ASPHD2: variants seen among roughly 807,000 people sequenced by gnomAD.
ASPHD2 encodes the protein aspartate beta-hydroxylase domain containing 2.
ASPHD2 carries 12 observed loss-of-function variants against 34.6 expected under a neutral mutation model. The ratio of observed to expected loss-of-function variants is 0.35; its 90% CI spans 0.22 to 0.56. The LOEUF is 0.56. Among genes scored for constraint, ASPHD2 ranks in the 20% least tolerant of loss-of-function variants. The pLI is 0.87. For synonymous variants in ASPHD2, 224 were observed against 212.2 expected, an observed-to-expected ratio of 1.06 and a Z score of -0.48; for missense variants, 375 against 505.0, an observed-to-expected ratio of 0.74 and a Z score of 2.47.
At chr22:26,431,738 G>A (rs982426484) in intron 1 of ASPHD2, among the ~76,000 whole-genome samples, 2 of 152,080 alleles carry the variant, frequency 1.3e-5, no homozygotes, top group African/African-American at 2.4e-5. Context: ...CCTTTCTCTC[G>A]TGCCCCACCT....
intron 2 of ASPHD2, among the ~76,000 whole-genome samples, chr22:26,436,784 A>G (rs1171216591): frequency 6.6e-6 from 1 of 152,112 alleles, no homozygotes; most frequent in East Asian, 1.9e-4. Flanking sequence ...AGCAAGGAAA[A>G]TCTGGGGTTT....
intron 2 of ASPHD2, among the ~76,000 whole-genome samples, chr22:26,435,009 G>T (rs973838051): frequency 1.3e-5 from 2 of 152,168 alleles, no homozygotes; most frequent in Non-Finnish European, 2.9e-5. Flanking sequence ...AGGATGAAAT[G>T]ATCCTTGGTG....
chr22:26,438,590 T>TATACATAC (rs1244830443), intron 2 of ASPHD2, among the ~76,000 whole-genome samples: 2 of 142,216 alleles, frequency 1.4e-5, no homozygotes, highest in Non-Finnish European at 3.1e-5. Flanking sequence ...TACATACATA[T>TATACATAC]ATATACACAC....
chr22:26,442,487 G>A lies in ASPHD2; in HGVS notation c.915G>A (p.Leu305=). Residue 305 remains leucine (L), a synonymous_variant, in exon 3 of 4, where the codon CTG becomes CTA. Transcript: ENST00000215906. The part of the protein sequence containing the change: ...LGLKTPNGCE[L]VVGGEPQCWA... ...TGAAAACTCCAAATGGCTGTGAGCT[G>A]GTGGTGGGGGGAGAGCCCCAGTGCT... 6.2e-7 allele frequency: 1 copy of A among 1,607,790 alleles called. No individual in the cohort carries two copies. Among genetic ancestry groups the A allele is most frequent in the Non-Finnish European group, 8.5e-7 (1 of 1,177,716 alleles).
intron 2 of ASPHD2, among the ~76,000 whole-genome samples, chr22:26,438,796 T>C (rs995022796): frequency 6.6e-6 from 1 of 152,004 alleles, no homozygotes; most frequent in Non-Finnish European, 1.5e-5. Context: ...CCAGTCAGTT[T>C]CCAAAGCTGA....
At position 26,437,190 on chromosome 22, in the gene ASPHD2, G is replaced by A. The variant is rs923673921; in HGVS notation, c.886+2689G>A. Among the ~76,000 whole-genome samples the A allele has an allele frequency of 6.6e-5, 10 of 152,338 alleles. No individual in the cohort carries two copies. In the South Asian group the frequency reaches 1.4e-3, roughly 22 times the overall value. On this transcript the variant is annotated intron_variant, in intron 2 of 3. Coordinates refer to ENST00000215906, the MANE Select transcript of ASPHD2 (RefSeq NM_020437.5). ...GAGAATGAGGTCAGAAGCAGGATAA[G>A]CCTGGTGCGTACCTGGTGGCCACAC... is the stretch of plus-strand genomic sequence containing the variant.
At chr22:26,436,069 C>T (rs1311325405) in intron 2 of ASPHD2, among the ~76,000 whole-genome samples, 1 of 152,122 alleles carries the variant, frequency 6.6e-6, no homozygotes, top group African/African-American at 2.4e-5. Context: ...CTGTGTTGGA[C>T]CATGTGAAAA....
At chr22:26,436,035 G>A (rs1264593875) in intron 2 of ASPHD2, among the ~76,000 whole-genome samples, 1 of 152,210 alleles carries the variant, frequency 6.6e-6, no homozygotes, top group Non-Finnish European at 1.5e-5. Flanking sequence ...TTGATGAATG[G>A]GAGCTAGTAG....
Position 26,433,744 on chromosome 22 carries a change from G to T in ASPHD2, c.129G>T (p.Arg43Ser), listed in dbSNP as rs542252135. ...VAWSWSLDGL[R>S]DCIATGIQSV... is the part of the protein sequence containing the mutation. ...GGAGCTGGTCGCTGGATGGCCTGAG[G>T]GACTGCATCGCCACCGGCATCCAGT... Residue 43 changes from arginine to serine, a missense_variant, in exon 2 of 4, where the codon AGG (arginine) becomes AGT (serine). Transcript: ENST00000215906. This position sits in a 1 kb window ranked among gnomAD's most constrained non-coding sequence, Gnocchi z 5.1. 6.2e-7 allele frequency: 1 copy of T among 1,613,676 alleles called. No individual in the cohort carries two copies. Among genetic ancestry groups the T allele is most frequent in the Non-Finnish European group, 8.5e-7 (1 of 1,180,016 alleles).
At chr22:26,436,087 A>G (rs1447763109) in intron 2 of ASPHD2, among the ~76,000 whole-genome samples, 3 of 152,242 alleles carry the variant, frequency 2.0e-5, no homozygotes, top group African/African-American at 7.2e-5. Context: ...AAAATGATCC[A>G]TAAGACATAG....
At position 26,443,348 on chromosome 22, in the gene ASPHD2, T is replaced by C. The variant is rs1568986347; in HGVS notation, c.*142T>C. On this transcript the variant is annotated 3_prime_UTR_variant, in exon 4 of 4. Transcript: ENST00000215906. ...AGCTCTTATTTGGGATTTTATATCA[T>C]GTCGGGTCCCTCTTTCCCTTGGTTA... The C allele has an allele frequency of 3.0e-6, 2 of 662,926 alleles. No homozygotes were observed. Among genetic ancestry groups the C allele is most frequent in the South Asian group, 1.8e-5 (1 of 54,396 alleles). 41.1% of individuals were successfully genotyped at this position (662,926 alleles called of 1,614,324 possible).
chr22:26,433,551 T>G lies in ASPHD2; in HGVS notation c.-65T>G. 1 of 1,210,962 alleles carries G rather than the reference T, an allele frequency of 8.3e-7. No individual in the cohort carries two copies. Among genetic ancestry groups the G allele is most frequent in the Non-Finnish European group, 1.2e-6 (1 of 851,006 alleles). The allele number at this position is 1,210,962 out of a possible 1,614,324, so 75.0% of individuals were successfully genotyped here. A position where few individuals can be genotyped will look rare whatever the true frequency, so the allele number is the denominator to read the frequency against. Reference sequence around the variant, plus strand: ...CATCAATGCCGCCCCTGGCAGTATCTGAGGATCGGTGGCAGCCATGCCTCC... The same window carrying G: ...CATCAATGCCGCCCCTGGCAGTATCGGAGGATCGGTGGCAGCCATGCCTCC... On this transcript the variant is annotated 5_prime_UTR_variant, in exon 2 of 4. Transcript: ENST00000215906. The surrounding 1 kb of genome is among the most constrained non-coding windows in gnomAD (Gnocchi z 5.1).
rs746167777 is a variant in ASPHD2 at position 26,433,975 on chromosome 22, G to A, written c.360G>A (p.Glu120=). The change falls in exon 2 of 4, where the codon GAG becomes GAA. Residue 120 remains glutamate, a synonymous_variant. Transcript: ENST00000215906. This position sits in a 1 kb window ranked among gnomAD's most constrained non-coding sequence, Gnocchi z 5.1. ...AGTGCGTGCGCTGCACCCACAACGAGGGCCTCAACCAGAAGCTGTACCACA... is the reference window on the plus strand; with the variant it reads ...AGTGCGTGCGCTGCACCCACAACGAAGGCCTCAACCAGAAGCTGTACCACA... ...SPECVRCTHN[E]GLNQKLYHNL... is the part of the protein sequence containing the mutation. 1 of 1,613,316 alleles carries A rather than the reference G, an allele frequency of 6.2e-7. No individual in the cohort carries two copies. The highest frequency in any genetic ancestry group is 1.3e-5 in the African/African-American group (1 of 74,940).
Position 26,433,827 on chromosome 22 carries a change from T to G in ASPHD2, c.212T>G (p.Phe71Cys), listed in dbSNP as rs1477902943. 6.2e-7 allele frequency: 1 copy of G among 1,614,010 alleles called. No homozygotes were observed. Among genetic ancestry groups the G allele is most frequent in the Non-Finnish European group, 8.5e-7 (1 of 1,180,018 alleles). Residue 71 changes from phenylalanine to cysteine, a missense_variant, in exon 2 of 4, where the codon TTC becomes TGC. Around this residue, in one of 3 missense-constraint regions of ASPHD2, gnomAD observed 223 missense variants for 257.8 expected, o/e 0.87. Transcript: ENST00000215906. The surrounding 1 kb of genome is among the most constrained non-coding windows in gnomAD (Gnocchi z 5.1). ...VITVACLLVLFVWYCYHVGRE... is the reference protein window; with the variant it reads ...VITVACLLVLCVWYCYHVGRE... ...ACTGTGGCCTGCCTCCTGGTCCTCT[T>G]CGTGTGGTACTGTTATCACGTGGGC...
In ASPHD2 at chr22:26,434,232, A is replaced by G; in HGVS notation, c.617A>G (p.Tyr206Cys). The change falls in exon 2 of 4, where the codon TAC becomes TGC. Residue 206 changes from tyrosine to cysteine, a missense_variant. Coordinates refer to ENST00000215906, the MANE Select transcript of ASPHD2 (RefSeq NM_020437.5). ...QTILCEFETL[Y>C]KAFSNCSLPQ... ...ATCCTGTGTGAGTTTGAGACCCTCT[A>G]CAAAGCTTTCTCAAACTGCAGCCTC... The G allele has an allele frequency of 6.2e-7, 1 of 1,614,152 alleles. No individual in the cohort carries two copies. Among genetic ancestry groups the G allele is most frequent in the Non-Finnish European group, 8.5e-7 (1 of 1,180,016 alleles).
intron 1 of ASPHD2, among the ~76,000 whole-genome samples, chr22:26,430,110 G>A (rs573798818): frequency 8.5e-5 from 13 of 152,346 alleles, no homozygotes; most frequent in Non-Finnish European, 1.6e-4. Flanking sequence ...GGTCTGCACC[G>A]GGAAGGGCTG....
intron 2 of ASPHD2, among the ~76,000 whole-genome samples, chr22:26,441,759 C>T (rs1214129524): frequency 1.3e-5 from 2 of 152,010 alleles, no homozygotes; most frequent in East Asian, 1.9e-4. Context: ...CCCATCTCTA[C>T]TAAAAATACA....
chr22:26,433,600 C>G lies in ASPHD2; in HGVS notation c.-16C>G. The G allele has an allele frequency of 6.2e-7, 1 of 1,602,516 alleles. No individual in the cohort carries two copies. Among genetic ancestry groups the G allele is most frequent in the Non-Finnish European group, 8.5e-7 (1 of 1,175,392 alleles). ...CCCCCTGCCCCAGCCGCTCCTTCCC[C>G]CCCACGCTAATCTGCATGGTGTGGG... On this transcript the variant is annotated 5_prime_UTR_variant, in exon 2 of 4. Transcript: ENST00000215906. The surrounding 1 kb of genome is among the most constrained non-coding windows in gnomAD (Gnocchi z 5.1).
At chr22:26,443,000 C>T in intron 3 of ASPHD2, 97 bp from the exon 4 acceptor site, 5 of 857,936 alleles carry the variant, frequency 5.8e-6, no homozygotes, top group South Asian at 5.6e-5. Context: ...GGGTCCCTGC[C>T]CCGAAGCTGA....
Sources: allele counts gnomAD v4.1 joint callset (sites outside exome capture counted in the v4.1 genomes callset), GRCh38; gene constraint gnomAD v4.1.1; regional missense constraint gnomAD v4.1.1; non-coding constraint Gnocchi (gnomAD v3.1); transcripts MANE v1.5; gene names NCBI Gene and HGNC (gene_info 2026-07-23, HGNC 2026-07-21).